The following TRIP11 variants were observed in gnomAD, a reference collection of about 807,000 sequenced individuals.
TRIP11 encodes thyroid hormone receptor interactor 11.
A neutral mutation model predicts 223.1 loss-of-function variants in TRIP11; 148 were observed. That is an observed-to-expected ratio of 0.66 (90% CI 0.58 to 0.76). The LOEUF is 0.76. TRIP11 is among the 30% of genes least tolerant of loss of function. The pLI is 0.00. For missense variants in TRIP11, 2,043 were observed against 2,222.0 expected (o/e 0.92, Z 1.62); for synonymous variants, 762 against 772.6 (o/e 0.99, Z 0.23).
At position 91,995,533 on chromosome 14, in the gene TRIP11, A is replaced by G. The variant is rs755132095; in HGVS notation, c.4893-18T>C. The G allele has an allele frequency of 2.5e-6, 4 of 1,613,852 alleles. No individual in the cohort carries two copies. The highest frequency in any genetic ancestry group is 3.4e-6 in the Non-Finnish European group (4 of 1,179,862). On this transcript the variant is annotated intron_variant, in intron 13 of 20. Coordinates refer to ENST00000267622, the MANE Select transcript of TRIP11 (RefSeq NM_004239.4). The stretch of plus-strand genomic sequence containing the variant: ...CTTGATGGCTTCAAACAAAAAGAAT[A>G]AAAGTCAAACTGCTTCATCTATTTA...
At chr14:91,992,079 CAAAAAAA>C (rs3031548) in intron 15 of TRIP11, among the ~76,000 whole-genome samples, 2 of 59,726 alleles carry the variant, frequency 3.3e-5, no homozygotes, top group Non-Finnish European at 5.7e-5. Flanking sequence ...AACGCCGTCT[CAAAAAAA>C]AAAAAAAAAA....
chr14:91,974,662 G>C lies in TRIP11; in HGVS notation c.5539C>G (p.Pro1847Ala). 1 of 1,612,380 alleles carries C rather than the reference G, an allele frequency of 6.2e-7. No individual in the cohort carries two copies. Among genetic ancestry groups the C allele is most frequent in the Non-Finnish European group, 8.5e-7 (1 of 1,179,928 alleles). The stretch of plus-strand genomic sequence containing the variant: ...ACAGATTGCTGATTTGGTCTCAAAG[G>C]TGTGTTGGGAACACTTTTTGATCCT... ...GGGSKSVPNT[P>A]LRPNQQSVVN... is the part of the protein sequence containing the mutation. The change falls in exon 19 of 21, where the codon CCT becomes GCT. Residue 1847 changes from proline (P) to alanine (A), a missense_variant. By Grantham distance (27) the Pro-to-Ala change is conservative (BLOSUM62 -1). Coordinates refer to ENST00000267622, the MANE Select transcript of TRIP11 (RefSeq NM_004239.4).
chr14:92,036,251 C>G (rs2057324319), intron 1 of TRIP11, among the ~76,000 whole-genome samples: 1 of 152,136 alleles, frequency 6.6e-6, no homozygotes, highest in African/African-American at 2.4e-5. Context: ...AAAAACTTGG[C>G]CTTTTTAAGT....
chr14:92,016,511 G>A (rs946906306), intron 5 of TRIP11, among the ~76,000 whole-genome samples: 9 of 152,072 alleles, frequency 5.9e-5, no homozygotes, highest in African/African-American at 1.4e-4. Context: ...TCAATCCTGC[G>A]GATGGACTAC....
At chr14:91,982,307 G>A (rs890199991) in intron 16 of TRIP11, among the ~76,000 whole-genome samples, 1 of 152,110 alleles carries the variant, frequency 6.6e-6, no homozygotes, top group African/African-American at 2.4e-5. Context: ...TAAATATTAT[G>A]AGTGGTTATA....
chr14:92,008,944 A>G (rs2140123012), intron 9 of TRIP11, among the ~76,000 whole-genome samples: 1 of 152,356 alleles, frequency 6.6e-6, no homozygotes, highest in Admixed American at 6.5e-5. Flanking sequence ...TATAAACCTT[A>G]TAAAAGAAAC....
At chr14:92,024,125 C>A (rs2057148271) in intron 3 of TRIP11, among the ~76,000 whole-genome samples, 1 of 152,092 alleles carries the variant, frequency 6.6e-6, no homozygotes, top group Non-Finnish European at 1.5e-5. Context: ...CGCCTGTAAT[C>A]CCAACACTTT....
intron 16 of TRIP11, among the ~76,000 whole-genome samples, chr14:91,985,907 G>A (rs1274590787): frequency 6.6e-6 from 1 of 152,166 alleles, no homozygotes; most frequent in Non-Finnish European, 1.5e-5. Context: ...GCAGCTTTGA[G>A]AAAATAAAAT....
intron 20 of TRIP11, among the ~76,000 whole-genome samples, chr14:91,970,232 C>T (rs1465038045): frequency 3.3e-5 from 5 of 151,940 alleles, no homozygotes; most frequent in African/African-American, 1.2e-4. Flanking sequence ...CATGGTGAAA[C>T]GCCGTCTCTA....
intron 14 of TRIP11, 47 bp downstream of exon 14, chr14:91,995,305 C>A: frequency 6.2e-7 from 1 of 1,609,342 alleles, no homozygotes; most frequent in Non-Finnish European, 8.5e-7. Flanking sequence ...GCAAAATTAC[C>A]AATAACTACA....
chr14:91,978,089 T>G lies in TRIP11; in HGVS notation c.5261-1900A>C, dbSNP rs1595367516. Among the ~76,000 whole-genome samples, 1 of 152,180 alleles carries G rather than the reference T, an allele frequency of 6.6e-6. No individual in the cohort carries two copies. Among genetic ancestry groups the G allele is most frequent in the African/African-American group, 2.4e-5 (1 of 41,434 alleles). Reference sequence around the variant, plus strand: ...AAAAGGTGGGGGTGGACAGGACTATTATTAAAGTCTGAGTCAGTAAAAGAC... The same window carrying G: ...AAAAGGTGGGGGTGGACAGGACTATGATTAAAGTCTGAGTCAGTAAAAGAC... On this transcript the variant is annotated intron_variant, in intron 16 of 20. Transcript: ENST00000267622. This position sits in a 1 kb window ranked among gnomAD's most constrained non-coding sequence, Gnocchi z 4.4.
Position 92,033,246 on chromosome 14 carries a change from T to C in TRIP11, c.147A>G (p.Leu49=), listed in dbSNP as rs376705629. 3.4e-5 allele frequency: 55 copies of C among 1,611,128 alleles called. 2 individuals are homozygous for C. In the South Asian group the frequency reaches 4.9e-4, roughly 14 times the overall value. Residue 49 remains leucine, a synonymous_variant, in exon 2 of 21, where the codon TTA becomes TTG. Transcript: ENST00000267622. ...CAATTTCCTTTGTCCTAGAATCAGG[T>C]AATTCTGCTACAAGAGAAATAACAA... ...MEGTEEVEAE[L]PDSRTKEIEA...
At chr14:91,983,694 A>G (rs1320664562) in intron 16 of TRIP11, among the ~76,000 whole-genome samples, 1 of 152,220 alleles carries the variant, frequency 6.6e-6, no homozygotes, top group Non-Finnish European at 1.5e-5. Context: ...AGAAAACTGC[A>G]TCTGGTACTT....
In TRIP11 at chr14:91,972,800, G is replaced by A; in HGVS notation, c.5636C>T (p.Pro1879Leu). 1 of 1,613,190 alleles carries A rather than the reference G, an allele frequency of 6.2e-7. No homozygotes were observed. Among genetic ancestry groups the A allele is most frequent in the Non-Finnish European group, 8.5e-7 (1 of 1,179,576 alleles). ...ETESHPSIPPPKLSVHDMKPL... is the reference protein window; with the variant it reads ...ETESHPSIPPLKLSVHDMKPL... ...TTTCATATCATGAACAGAAAGCTTT[G>A]GTGGTGGAATGGATGGATGAGATTC... Residue 1879 changes from proline (P) to leucine (L), a missense_variant, in exon 20 of 21, where the codon CCA becomes CTA. Pro to Leu is a moderately conservative substitution (Grantham distance 98). Transcript: ENST00000267622.
chr14:92,014,874 A>G (rs1373996897), intron 6 of TRIP11, among the ~76,000 whole-genome samples: 1 of 151,902 alleles, frequency 6.6e-6, no homozygotes, highest in Non-Finnish European at 1.5e-5. Context: ...ATTTACCACA[A>G]AGGTAAAAAG....
At chr14:92,012,134 T>G (rs1486068852) in intron 7 of TRIP11, among the ~76,000 whole-genome samples, 1 of 152,170 alleles carries the variant, frequency 6.6e-6, no homozygotes, top group Non-Finnish European at 1.5e-5. Flanking sequence ...AAGCAGGAAA[T>G]AGTACATGGT....
rs2056448458 is a variant in TRIP11 at position 91,975,181 on chromosome 14, C to T, written c.5448G>A (p.Glu1816=). 1 of 1,613,332 alleles carries T rather than the reference C, an allele frequency of 6.2e-7. No homozygotes were observed. Among genetic ancestry groups the T allele is most frequent in the Admixed American group, 1.7e-5 (1 of 59,986 alleles). Reference sequence around the variant, plus strand: ...TTCATCGTCCAGTCACCTGCTCCATCTCCTCCCTTCTGACGCCCAGGATGC... The same window carrying T: ...TTCATCGTCCAGTCACCTGCTCCATTTCCTCCCTTCTGACGCCCAGGATGC... The part of the protein sequence containing the change: ...MGSILGVRRE[E]MEQLFHDDQG... Residue 1816 remains glutamate (E), a synonymous_variant, in exon 18 of 21, where the codon GAG becomes GAA. Transcript: ENST00000267622.
In TRIP11 at chr14:91,975,176, T is replaced by C; in HGVS notation, c.5453A>G (p.Glu1818Gly). The C allele has an allele frequency of 6.2e-7, 1 of 1,613,000 alleles. No homozygotes were observed. The highest frequency in any genetic ancestry group is 8.5e-7 in the Non-Finnish European group (1 of 1,179,180). The change falls in exon 18 of 21, where the codon GAG (glutamate) becomes GGG (glycine). Residue 1818 changes from glutamate to glycine, a missense_variant. Coordinates refer to ENST00000267622, the MANE Select transcript of TRIP11 (RefSeq NM_004239.4). The part of the protein sequence containing the change: ...SILGVRREEM[E>G]QLFHDDQGGV... ...TGGCTTTCATCGTCCAGTCACCTGC[T>C]CCATCTCCTCCCTTCTGACGCCCAG...
chr14:92,003,450 G>T lies in TRIP11; in HGVS notation c.4526C>A (p.Ala1509Asp). The T allele has an allele frequency of 6.2e-7, 1 of 1,613,798 alleles. No individual in the cohort carries two copies. Among genetic ancestry groups the T allele is most frequent in the Non-Finnish European group, 8.5e-7 (1 of 1,179,998 alleles). Residue 1509 changes from alanine to aspartate, a missense_variant, in exon 11 of 21, where the codon GCT (alanine) becomes GAT (aspartate). Coordinates refer to ENST00000267622, the MANE Select transcript of TRIP11 (RefSeq NM_004239.4). ...TTTCTCTTTCAATAGCTGTTCAAAA[G>T]CAAGAGCCTTCTCCTTCATTGAGTG... ...ECHSMKEKAL[A>D]FEQLLKEKEQ...
Sources: gnomAD v4.1 joint callset for allele counts (sites outside exome capture counted in the v4.1 genomes callset) on GRCh38, gnomAD v4.1.1 for gene constraint, Gnocchi (gnomAD v3.1) non-coding constraint, MANE v1.5 for transcripts, NCBI Gene and HGNC (gene_info 2026-07-23, HGNC 2026-07-21) for gene names.